The following JDP2 variants were observed in gnomAD, a reference collection of about 807,000 sequenced individuals.
The protein encoded by JDP2 is progesterone receptor co-activator.
In JDP2, 9 loss-of-function variants were observed where a neutral mutation model predicts 17.1. That is an observed-to-expected ratio of 0.53 (90% CI 0.32 to 0.92). The LOEUF is 0.92. JDP2 is among the 40% of genes least tolerant of loss of function. JDP2 has a pLI of 0.04. For synonymous variants in JDP2, 107 were observed against 95.6 expected, an observed-to-expected ratio of 1.12 and a Z score of -0.69; for missense variants, 179 against 220.0, an observed-to-expected ratio of 0.81 and a Z score of 1.18.
intron 2 of JDP2, among the ~76,000 whole-genome samples, chr14:75,459,045 T>G (rs1886232868): frequency 6.6e-6 from 1 of 152,220 alleles, no homozygotes; most frequent in Admixed American, 6.5e-5. Context: ...GCTTCTGACT[T>G]TCTGTGGAAT....
chr14:75,428,535 T>G lies in JDP2; in HGVS notation c.-24+283T>G, dbSNP rs1884643315. On this transcript the variant is annotated intron_variant, in intron 1 of 3. Transcript: ENST00000651602. The surrounding 1 kb of genome is among the most constrained non-coding windows in gnomAD (Gnocchi z 5.6). Reference sequence around the variant, plus strand: ...CCTGGACAGCCGGGGTGCTCCCTCCTTCTCCCTCCCGCGCTCTCCTCCCCC... The same window carrying G: ...CCTGGACAGCCGGGGTGCTCCCTCCGTCTCCCTCCCGCGCTCTCCTCCCCC... 6.6e-6 allele frequency: 1 copy of G among 152,128 alleles called. No individual in the cohort carries two copies. Among genetic ancestry groups the G allele is most frequent in the Non-Finnish European group, 1.5e-5 (1 of 68,048 alleles). The allele number at this position is 152,128 out of a possible 1,614,324, so 9.4% of individuals were successfully genotyped here.
intron 1 of JDP2, among the ~76,000 whole-genome samples, chr14:75,435,846 A>G (rs1449440496): frequency 6.6e-6 from 1 of 152,158 alleles, no homozygotes; most frequent in Non-Finnish European, 1.5e-5. Context: ...GAGGCACAGT[A>G]GGTAGAGCAC....
intron 2 of JDP2, among the ~76,000 whole-genome samples, chr14:75,438,876 C>G (rs949923210): frequency 6.6e-6 from 1 of 152,240 alleles, no homozygotes; most frequent in Non-Finnish European, 1.5e-5. Context: ...GGCGACTTGC[C>G]CAGGGCTGGC....
At chr14:75,441,815 A>C (rs1594952993) in intron 2 of JDP2, among the ~76,000 whole-genome samples, 1 of 151,212 alleles carries the variant, frequency 6.6e-6, no homozygotes, top group Admixed American at 6.6e-5. Flanking sequence ...TCACAGCTGG[A>C]CTCCTCCACC....
At chr14:75,456,998 T>C (rs561999419) in intron 2 of JDP2, among the ~76,000 whole-genome samples, 1 of 152,314 alleles carries the variant, frequency 6.6e-6, no homozygotes, top group African/African-American at 2.4e-5. Flanking sequence ...GGCCTTGCCC[T>C]TGGGCCTTCC....
chr14:75,471,880 A>G lies in JDP2; in HGVS notation c.*2405A>G, dbSNP rs959070297. On this transcript the variant is annotated 3_prime_UTR_variant, in exon 4 of 4. Coordinates refer to ENST00000651602, the MANE Select transcript of JDP2 (RefSeq NM_001135048.2). Reference sequence around the variant, plus strand: ...TGATATTTTTCAAGCCATGAGAAAAATGAAGTGGACTTACCAGGGTCCCTC... The same window carrying G: ...TGATATTTTTCAAGCCATGAGAAAAGTGAAGTGGACTTACCAGGGTCCCTC... 6.6e-6 allele frequency: 1 copy of G among 152,454 alleles called. No individual in the cohort carries two copies. The highest frequency in any genetic ancestry group is 2.4e-5 in the African/African-American group (1 of 41,438). The allele number at this position is 152,454 out of a possible 1,614,324, so 9.4% of individuals were successfully genotyped here.
chr14:75,454,173 T>TCACCTCCTTTAAGC (rs1555368467), intron 2 of JDP2, among the ~76,000 whole-genome samples: 2 of 151,416 alleles, frequency 1.3e-5, no homozygotes, highest in Non-Finnish European at 2.9e-5. Context: ...GCTGGTGACG[T>TCACCTCCTTTAAGC]CCCCTCCTTT....
chr14:75,442,825 A>G (rs1215180718), intron 2 of JDP2, among the ~76,000 whole-genome samples: 1 of 152,132 alleles, frequency 6.6e-6, no homozygotes. Context: ...TGACTCAGCT[A>G]CTTTTGGGAA....
At chr14:75,447,078 A>G (rs1178609186) in intron 2 of JDP2, among the ~76,000 whole-genome samples, 1 of 152,210 alleles carries the variant, frequency 6.6e-6, no homozygotes, top group Admixed American at 6.5e-5. Flanking sequence ...TATATGGTAT[A>G]GAATAGCAGT....
intron 2 of JDP2, among the ~76,000 whole-genome samples, chr14:75,438,832 G>A (rs1247480750): frequency 2.0e-5 from 3 of 152,258 alleles, no homozygotes; most frequent in Non-Finnish European, 4.4e-5. Flanking sequence ...AGCAGTCCCC[G>A]GCATGGCTGA....
At chr14:75,451,699 C>A (rs1885874145) in intron 2 of JDP2, among the ~76,000 whole-genome samples, 1 of 152,132 alleles carries the variant, frequency 6.6e-6, no homozygotes, top group South Asian at 2.1e-4. Flanking sequence ...GGGTCCAGGG[C>A]ATGGAAAATT....
intron 3 of JDP2, among the ~76,000 whole-genome samples, chr14:75,468,970 G>A (rs932895567): frequency 7.2e-5 from 11 of 152,204 alleles, no homozygotes; most frequent in Non-Finnish European, 1.3e-4. Context: ...GCCCTGAGGC[G>A]GCAGAGTATT....
rs1331339117 is a variant in JDP2 at position 75,432,343 on chromosome 14, T to TG, written c.-24+4092dup. On this transcript the variant is annotated intron_variant, in intron 1 of 3. Coordinates refer to ENST00000651602, the MANE Select transcript of JDP2 (RefSeq NM_001135048.2). ...CCAAGATTCATGGTAGCAGGTACTA[T>TG]GCGCCATGACCCCTGGCCTGGCACC... is the stretch of plus-strand genomic sequence containing the variant. 3.9e-6 allele frequency: 6 copies of TG among 1,551,536 alleles called. No individual in the cohort carries two copies. The South Asian group carries it at 7.1e-5, about 18-fold the overall frequency.
chr14:75,469,170 T>G (rs1201769638), intron 3 of JDP2, 120 bp from the exon 4 acceptor site: 21 of 881,720 alleles, frequency 2.4e-5, no homozygotes, highest in Non-Finnish European at 3.3e-5. Context: ...GGTCTGTGCT[T>G]CTTCCTGCAG....
chr14:75,439,946 CG>C (rs1885259734), intron 2 of JDP2, among the ~76,000 whole-genome samples: 1 of 152,148 alleles, frequency 6.6e-6, no homozygotes, highest in Non-Finnish European at 1.5e-5. Flanking sequence ...GGGCAGAGGT[CG>C]TCAAGCTGGG....
rs541305317 is a variant in JDP2, at chr14:75,471,165, C to T, written c.*1690C>T. 1 of 152,334 alleles carries T rather than the reference C, an allele frequency of 6.6e-6. No individual in the cohort carries two copies. The highest frequency in any genetic ancestry group is 2.1e-4 in the South Asian group (1 of 4,834). The allele number at this position is 152,334 out of a possible 1,614,324, so 9.4% of individuals were successfully genotyped here. A position where few individuals can be genotyped will look rare whatever the true frequency, so the allele number is the denominator to read the frequency against. On this transcript the variant is annotated 3_prime_UTR_variant, in exon 4 of 4. Transcript: ENST00000651602. ...GTTATAGATTTAGTTTCTGGGAAGG[C>T]TGGATAGAGTTCCAGGTTGTCCCAT...
At chr14:75,451,983 A>G (rs1011843454) in intron 2 of JDP2, among the ~76,000 whole-genome samples, 5 of 152,222 alleles carry the variant, frequency 3.3e-5, no homozygotes, top group African/African-American at 1.2e-4. Context: ...CAGTGGCACA[A>G]TCATGGCTTA....
At chr14:75,465,996 A>T (rs1566749364) in intron 3 of JDP2, among the ~76,000 whole-genome samples, 1 of 152,202 alleles carries the variant, frequency 6.6e-6, no homozygotes, top group East Asian at 1.9e-4. Context: ...AAATTAGATA[A>T]TTGTTGTTAT....
intron 2 of JDP2, among the ~76,000 whole-genome samples, chr14:75,446,278 G>A (rs535695737): frequency 2.0e-5 from 3 of 152,180 alleles, no homozygotes; most frequent in Non-Finnish European, 2.9e-5. Flanking sequence ...GTTCCCATGC[G>A]ATCCAGCCAT....
Sources: gnomAD v4.1 joint callset for allele counts (sites outside exome capture counted in the v4.1 genomes callset) on GRCh38, gnomAD v4.1.1 for gene constraint, Gnocchi (gnomAD v3.1) non-coding constraint, MANE v1.5 for transcripts, NCBI Gene and HGNC (gene_info 2026-07-23, HGNC 2026-07-21) for gene names.